Variants in PRMT3 observed in about 807,000 individuals in gnomAD.
PRMT3 encodes the protein protein arginine methyltransferase 3, also known as protein arginine N-methyltransferase 3.
PRMT3 carries 62 observed loss-of-function variants against 71.9 expected under a neutral mutation model. The observed-to-expected ratio is 0.86, with a 90% CI of 0.70 to 1.07. The LOEUF (loss-of-function observed/expected upper bound fraction) is 1.07. PRMT3 is among the 50% of genes least tolerant of loss of function. The probability of loss-of-function intolerance (pLI) is 0.00; values close to 1 mark genes in which losing one functional copy is unlikely to be tolerated. For missense variants in PRMT3, 663 were observed against 643.0 expected (o/e 1.03, Z -0.34); for synonymous variants, 213 against 220.4 (o/e 0.97, Z 0.30).
chr11:20,424,056 C>T lies in PRMT3; in HGVS notation c.894-2710C>T, dbSNP rs139623332. ...AAAATTAGCTGGGTGTGGTGGCGGG[C>T]GCCTGTAGTCCCAGCTACTCGGGAG... On this transcript the variant is annotated intron_variant, in intron 9 of 15. Transcript: ENST00000331079. Among the ~76,000 whole-genome samples the T allele has an allele frequency of 4.7e-3, 711 of 151,220 alleles. 3 individuals are homozygous for T. Among genetic ancestry groups the T allele is most frequent in the African/African-American group, 0.017 (682 of 41,148 alleles).
At chr11:20,463,854 C>T (rs117233385) in intron 12 of PRMT3, among the ~76,000 whole-genome samples, 1,827 of 151,082 alleles carry the variant, frequency 0.012, 20 homozygotes, top group Middle Eastern at 0.027. Flanking sequence ...TGAAAAAGGG[C>T]AGAATGGGAA....
intron 9 of PRMT3, among the ~76,000 whole-genome samples, chr11:20,417,757 TTC>T (rs893627525): frequency 1.9e-4 from 20 of 105,580 alleles, no homozygotes; most frequent in African/African-American, 3.1e-4. Flanking sequence ...TTAAATTTGC[TTC>T]TCTCTCTCTC....
At chr11:20,388,183 C>T (rs199722395) in intron 2 of PRMT3, 29 bp downstream of exon 2, 9 of 1,611,438 alleles carry the variant, frequency 5.6e-6, no homozygotes, top group Middle Eastern at 3.3e-4. Flanking sequence ...CTGGCCTCTG[C>T]CCTAGGGTGC....
chr11:20,482,805 A>C (rs974136726), intron 13 of PRMT3, among the ~76,000 whole-genome samples: 1 of 149,556 alleles, frequency 6.7e-6, no homozygotes, highest in Admixed American at 6.7e-5. Context: ...GGAGGAAATC[A>C]CTCCTCATGG....
chr11:20,419,097 A>G (rs950636457), intron 9 of PRMT3, among the ~76,000 whole-genome samples: 2 of 152,216 alleles, frequency 1.3e-5, no homozygotes, highest in African/African-American at 4.8e-5. Context: ...TTTCCTAGAT[A>G]TTGCCAGACT....
intron 15 of PRMT3, among the ~76,000 whole-genome samples, chr11:20,497,151 G>A (rs1851352375): frequency 6.6e-6 from 1 of 151,970 alleles, no homozygotes; most frequent in Non-Finnish European, 1.5e-5. Context: ...TAGCATTTGA[G>A]TTTGATTCTC....
At chr11:20,389,237 A>T (rs1848661186) in intron 2 of PRMT3, among the ~76,000 whole-genome samples, 1 of 152,230 alleles carries the variant, frequency 6.6e-6, no homozygotes, top group Non-Finnish European at 1.5e-5. Context: ...AGTGTCTGTG[A>T]TGCAAGTACG....
rs1590081718 is a variant in PRMT3, at chr11:20,461,995, G to T, written c.1088G>T (p.Cys363Phe). 3 of 1,584,228 alleles carry T rather than the reference G, an allele frequency of 1.9e-6. No homozygotes were observed. Among genetic ancestry groups the T allele is most frequent in the Non-Finnish European group, 2.6e-6 (3 of 1,160,880 alleles). ...TTTGTTACAGTCTACCCTGACATTT[G>T]CACTATCAGCCTTGTAGCAGTGAGT... ...AKGGSVYPDICTISLVAVSDV... is the reference protein window; with the variant it reads ...AKGGSVYPDIFTISLVAVSDV... The change falls in exon 12 of 16, where the codon TGC (cysteine) becomes TTC (phenylalanine). Residue 363 changes from cysteine to phenylalanine, a missense_variant. Coordinates refer to ENST00000331079, the MANE Select transcript of PRMT3 (RefSeq NM_005788.4).
At chr11:20,480,199 A>G (rs1850897251) in intron 13 of PRMT3, among the ~76,000 whole-genome samples, 1 of 152,164 alleles carries the variant, frequency 6.6e-6, no homozygotes, top group African/African-American at 2.4e-5. Context: ...TCTCTGGAGT[A>G]CTAGGAGTGG....
At chr11:20,404,211 G>GTTTTTTT (rs71063629) in intron 8 of PRMT3, among the ~76,000 whole-genome samples, 1 of 34,330 alleles carries the variant, frequency 2.9e-5, no homozygotes, top group East Asian at 1.3e-3. Context: ...ACTTTTCATA[G>GTTTTTTT]TTTTTTTTTT....
chr11:20,402,382 G>A (rs1047450319), intron 7 of PRMT3, among the ~76,000 whole-genome samples: 1 of 152,080 alleles, frequency 6.6e-6, no homozygotes, highest in African/African-American at 2.4e-5. Flanking sequence ...GCCTCCCAAA[G>A]TGCTGGGATT....
At chr11:20,495,198 T>C (rs766614178) in intron 15 of PRMT3, among the ~76,000 whole-genome samples, 1 of 152,126 alleles carries the variant, frequency 6.6e-6, no homozygotes, top group Non-Finnish European at 1.5e-5. Flanking sequence ...GTATTTTTAG[T>C]AGAGATGGGG....
intron 10 of PRMT3, among the ~76,000 whole-genome samples, chr11:20,442,388 AT>A (rs1339734647): frequency 2.0e-5 from 3 of 151,774 alleles, no homozygotes; most frequent in Admixed American, 2.0e-4. Context: ...TTTTTTAGTA[AT>A]TTTTATGTAC....
chr11:20,494,003 T>C (rs776387510), intron 14 of PRMT3, 34 bp downstream of exon 14: 1 of 1,510,766 alleles, frequency 6.6e-7, no homozygotes, highest in Non-Finnish European at 9.1e-7. Flanking sequence ...AAGAATTAAT[T>C]ATTACAGAAG....
intron 11 of PRMT3, among the ~76,000 whole-genome samples, chr11:20,461,248 C>G (rs1363060543): frequency 3.3e-5 from 5 of 152,160 alleles, no homozygotes. Context: ...TCCCCACTCC[C>G]AACTTACTGG....
chr11:20,481,946 A>G (rs1850946865), intron 13 of PRMT3, among the ~76,000 whole-genome samples: 1 of 152,062 alleles, frequency 6.6e-6, no homozygotes, highest in Non-Finnish European at 1.5e-5. Context: ...TTATGAAAAA[A>G]TTATTAAGAA....
At chr11:20,477,065 A>G (rs115179520) in intron 13 of PRMT3, among the ~76,000 whole-genome samples, 2 of 152,286 alleles carry the variant, frequency 1.3e-5, no homozygotes, top group South Asian at 2.1e-4. Flanking sequence ...CCTGTGGCCA[A>G]GTTCTTGGGA....
intron 10 of PRMT3, among the ~76,000 whole-genome samples, chr11:20,445,254 CTTT>C (rs1000763301): frequency 6.6e-6 from 1 of 151,638 alleles, no homozygotes; most frequent in African/African-American, 2.4e-5. Context: ...GATTATTTGC[CTTT>C]TTGTTTTCTT....
chr11:20,502,604 A>G (rs942354729), intron 15 of PRMT3, among the ~76,000 whole-genome samples: 2 of 152,214 alleles, frequency 1.3e-5, no homozygotes, highest in African/African-American at 2.4e-5. Flanking sequence ...AAACTGAGGA[A>G]TGCATAGAAC....
Sources: allele counts gnomAD v4.1 joint callset (sites outside exome capture counted in the v4.1 genomes callset), GRCh38; gene constraint gnomAD v4.1.1; transcripts MANE v1.5; gene names NCBI Gene and HGNC (gene_info 2026-07-23, HGNC 2026-07-21).